Variants in ADAMTS17 observed in about 807,000 individuals in gnomAD.
ADAMTS17 encodes the protein ADAM metallopeptidase with thrombospondin type 1 motif 17.
In ADAMTS17, 113 loss-of-function variants were observed where a neutral mutation model predicts 141.5. The ratio of observed to expected loss-of-function variants is 0.80; its 90% CI spans 0.69 to 0.93. ADAMTS17 has a LOEUF of 0.93. Ranked by LOEUF, ADAMTS17 falls within the 40% of genes least tolerant of loss-of-function variation. The probability of loss-of-function intolerance (pLI) is 0.00; values close to 1 mark genes in which losing one functional copy is unlikely to be tolerated. For synonymous variants in ADAMTS17, 768 were observed against 630.6 expected (o/e 1.22, Z -3.27); for missense variants, 1,659 against 1,517.9 (o/e 1.09, Z -1.54).
rs768590433 is a variant in ADAMTS17, at chr15:100,254,225, G to A, written c.1032-46C>T. ...CATCAGGTATATGCAGTATCCCCAA[G>A]AATGGGAGAAGAAAACACTGTGAAT... On this transcript the variant is annotated intron_variant, in intron 6 of 21. Coordinates refer to ENST00000268070, the MANE Select transcript of ADAMTS17 (RefSeq NM_139057.4). 17 of 1,554,876 alleles carry A rather than the reference G, an allele frequency of 1.1e-5. No individual in the cohort carries two copies. In the African/African-American group the frequency reaches 2.3e-4, roughly 21 times the overall value.
chr15:100,079,528 CTAGGGCT>C (rs1235473271), intron 15 of ADAMTS17, among the ~76,000 whole-genome samples: 3 of 152,116 alleles, frequency 2.0e-5, no homozygotes, highest in Non-Finnish European at 2.9e-5. Context: ...GAGTGGTTAC[CTAGGGCT>C]TAAGAGGGAG....
At chr15:100,083,859 T>G (rs1009722310) in intron 15 of ADAMTS17, among the ~76,000 whole-genome samples, 6 of 151,532 alleles carry the variant, frequency 4.0e-5, no homozygotes, top group Non-Finnish European at 8.8e-5. Context: ...AAGGGCAAGG[T>G]TTTTGAGCCA....
At chr15:100,196,210 C>T (rs1021066001) in intron 8 of ADAMTS17, among the ~76,000 whole-genome samples, 2 of 152,028 alleles carry the variant, frequency 1.3e-5, no homozygotes, top group African/African-American at 4.8e-5. Flanking sequence ...TTTATTGTAC[C>T]AAATAAATTA....
Position 100,261,475 on chromosome 15 carries a change from T to C in ADAMTS17, c.1031+4A>G, listed in dbSNP as rs1453432018. 2 of 1,614,024 alleles carry C rather than the reference T, an allele frequency of 1.2e-6. No homozygotes were observed. The highest frequency in any genetic ancestry group is 1.7e-6 in the Non-Finnish European group (2 of 1,180,012). ...TGTCAGCTACAGGCCAAATCCCATCTTACCTGGTCACAAACACGGCAGCAT... is the reference window on the plus strand; with the variant it reads ...TGTCAGCTACAGGCCAAATCCCATCCTACCTGGTCACAAACACGGCAGCAT... On this transcript the variant is annotated splice_donor_region_variant and intron_variant, in intron 6 of 21. Transcript: ENST00000268070.
chr15:100,300,237 G>A (rs10902568), intron 3 of ADAMTS17, among the ~76,000 whole-genome samples: 15,374 of 151,884 alleles, frequency 0.1, 1,242 homozygotes, highest in East Asian at 0.31. Flanking sequence ...CAAGATAGAA[G>A]AGGGAGAGAC....
chr15:100,153,992 C>T (rs1202807297), intron 9 of ADAMTS17, among the ~76,000 whole-genome samples: 6 of 152,322 alleles, frequency 3.9e-5, no homozygotes, highest in East Asian at 1.9e-4. Context: ...GCCAGCCTGG[C>T]CAACATGGCG....
intron 7 of ADAMTS17, among the ~76,000 whole-genome samples, chr15:100,231,419 A>C (rs2042477152): frequency 6.6e-6 from 1 of 152,154 alleles, no homozygotes; most frequent in African/African-American, 2.4e-5. Context: ...AGCCACTGGA[A>C]TCCACAGGGG....
chr15:100,108,262 C>T (rs1263652695), intron 14 of ADAMTS17, among the ~76,000 whole-genome samples: 1 of 152,020 alleles, frequency 6.6e-6, no homozygotes, highest in Non-Finnish European at 1.5e-5. Context: ...ACCTCCGTCT[C>T]CCAGGTTCAA....
intron 15 of ADAMTS17, among the ~76,000 whole-genome samples, chr15:100,087,204 A>C (rs1596385732): frequency 6.6e-6 from 1 of 152,262 alleles, no homozygotes; most frequent in East Asian, 1.9e-4. Flanking sequence ...CATATCTTAT[A>C]AACACCTCTA....
chr15:100,202,574 G>A (rs775203921), intron 7 of ADAMTS17, among the ~76,000 whole-genome samples: 7 of 152,160 alleles, frequency 4.6e-5, no homozygotes, highest in Non-Finnish European at 7.3e-5. Context: ...TAAGAGCTGT[G>A]GGGGGAGTAA....
chr15:100,101,188 CTGTCTCCTCTAA>C (rs1321698049), intron 14 of ADAMTS17, among the ~76,000 whole-genome samples: 2 of 152,242 alleles, frequency 1.3e-5, no homozygotes, highest in Admixed American at 6.5e-5. Context: ...TCCTCAAAGG[CTGTCTCCTCTAA>C]GAGAAATGCC....
chr15:100,242,987 C>T (rs560794846), intron 7 of ADAMTS17, among the ~76,000 whole-genome samples: 6 of 152,218 alleles, frequency 3.9e-5, no homozygotes, highest in Non-Finnish European at 5.9e-5. Flanking sequence ...TCCCCATGAC[C>T]GCGTTCCTCA....
chr15:100,283,568 T>C (rs942168667), intron 3 of ADAMTS17, among the ~76,000 whole-genome samples: 7 of 152,254 alleles, frequency 4.6e-5, no homozygotes, highest in African/African-American at 1.7e-4. Context: ...TCAGTGTTGA[T>C]AATCCATTTC....
chr15:100,287,459 T>C (rs764061861), intron 3 of ADAMTS17, among the ~76,000 whole-genome samples: 2 of 152,144 alleles, frequency 1.3e-5, no homozygotes, highest in Non-Finnish European at 2.9e-5. Context: ...AGGGAAAACA[T>C]ATTTGAGGAT....
chr15:100,184,881 T>A (rs1186973614), intron 8 of ADAMTS17, among the ~76,000 whole-genome samples: 1 of 152,166 alleles, frequency 6.6e-6, no homozygotes, highest in Non-Finnish European at 1.5e-5. Context: ...CACTGTGGCC[T>A]GGGCTCGCCA....
intron 8 of ADAMTS17, among the ~76,000 whole-genome samples, chr15:100,179,128 A>G (rs1428805741): frequency 6.6e-6 from 1 of 152,208 alleles, no homozygotes; most frequent in African/African-American, 2.4e-5. Flanking sequence ...CATTTAAATT[A>G]TAACTATAGC....
At chr15:99,975,210 A>G (rs1311550836) in intron 21 of ADAMTS17, among the ~76,000 whole-genome samples, 2 of 152,084 alleles carry the variant, frequency 1.3e-5, no homozygotes, top group Non-Finnish European at 2.9e-5. Flanking sequence ...AGGAATCATC[A>G]TATCATTGTT....
At chr15:100,200,613 G>A (rs143007317) in intron 7 of ADAMTS17, among the ~76,000 whole-genome samples, 3 of 152,320 alleles carry the variant, frequency 2.0e-5, no homozygotes, top group East Asian at 3.9e-4. Flanking sequence ...GCGGATGGTG[G>A]CATGGGGTGG....
chr15:100,312,542 C>T lies in ADAMTS17; in HGVS notation c.616+18347G>A, dbSNP rs542010146. On this transcript the variant is annotated intron_variant, in intron 3 of 21. Coordinates refer to ENST00000268070, the MANE Select transcript of ADAMTS17 (RefSeq NM_139057.4). ...CTAAGTTTGTGGTAATTTGTTAGAGCGGTAATAAGAAAGTAATGCCTGAGT... is the reference window on the plus strand; with the variant it reads ...CTAAGTTTGTGGTAATTTGTTAGAGTGGTAATAAGAAAGTAATGCCTGAGT... Among the ~76,000 whole-genome samples the T allele has an allele frequency of 7.2e-5, 11 of 152,294 alleles. No individual in the cohort carries two copies. The South Asian group carries it at 1.7e-3, about 23-fold the overall frequency.
Sources: gnomAD v4.1 joint callset for allele counts (sites outside exome capture counted in the v4.1 genomes callset) on GRCh38, gnomAD v4.1.1 for gene constraint, MANE v1.5 for transcripts, NCBI Gene and HGNC (gene_info 2026-07-23, HGNC 2026-07-21) for gene names.